The following FHIT variants were observed in gnomAD, a reference collection of about 807,000 sequenced individuals.
FHIT encodes bis(5'-adenosyl)-triphosphatase.
Under a neutral mutation model 17.9 loss-of-function variants are expected in FHIT, and 19 were observed. That is an observed-to-expected ratio of 1.06 (90% CI 0.74 to 1.56). The LOEUF (loss-of-function observed/expected upper bound fraction) is 1.56, where lower values mean the gene tolerates loss of function less well. FHIT is among the 40% of genes most tolerant of loss of function. The probability of loss-of-function intolerance (pLI) is 0.00; values close to 1 mark genes in which losing one functional copy is unlikely to be tolerated. For missense variants in FHIT, 248 were observed against 189.2 expected, an observed-to-expected ratio of 1.31 and a Z score of -1.82; for synonymous variants, 81 against 69.7, an observed-to-expected ratio of 1.16 and a Z score of -0.81.
chr3:59,929,721 C>G (rs1012225578), intron 7 of FHIT, among the ~76,000 whole-genome samples: 2 of 152,034 alleles, frequency 1.3e-5, no homozygotes, highest in Non-Finnish European at 2.9e-5. Flanking sequence ...TGCTGAATAT[C>G]AACATCAAAA....
intron 5 of FHIT, among the ~76,000 whole-genome samples, chr3:60,251,334 G>A (rs1705701356): frequency 1.3e-5 from 2 of 152,068 alleles, no homozygotes; most frequent in South Asian, 4.1e-4. Context: ...TAGGGAGTGA[G>A]GAACATTATG....
intron 5 of FHIT, among the ~76,000 whole-genome samples, chr3:60,223,775 C>A (rs1161725150): frequency 7.2e-5 from 11 of 152,164 alleles, no homozygotes. Flanking sequence ...TTGGATTTCA[C>A]CACCTACAAT....
intron 3 of FHIT, among the ~76,000 whole-genome samples, chr3:60,938,245 G>C (rs1290096578): frequency 6.6e-6 from 1 of 152,172 alleles, no homozygotes; most frequent in Non-Finnish European, 1.5e-5. Context: ...AATAGGAAAA[G>C]ACTTAAGCTT....
chr3:60,167,713 T>C (rs17062419), intron 5 of FHIT, among the ~76,000 whole-genome samples: 28,749 of 152,206 alleles, frequency 0.19, 3,475 homozygotes, highest in East Asian at 0.34. Flanking sequence ...GCTCAGAATC[T>C]AGCTTTAGAT....
At chr3:60,294,669 C>G (rs544602781) in intron 5 of FHIT, among the ~76,000 whole-genome samples, 1 of 152,132 alleles carries the variant, frequency 6.6e-6, no homozygotes, top group African/African-American at 2.4e-5. Context: ...CCCTTTCTGG[C>G]CACATTAATT....
chr3:59,862,884 T>G (rs17061269), intron 8 of FHIT, among the ~76,000 whole-genome samples: 2 of 151,880 alleles, frequency 1.3e-5, no homozygotes, highest in East Asian at 3.9e-4. Context: ...CATGAGTCAT[T>G]CTGATAACTG....
chr3:60,124,007 T>G (rs71313746), intron 5 of FHIT, among the ~76,000 whole-genome samples: 5,006 of 16,792 alleles, frequency 0.3, 608 homozygotes, highest in Non-Finnish European at 0.34. Context: ...TATATATATA[T>G]ATAGAGAGAG....
At position 60,174,169 on chromosome 3, in the gene FHIT, C is replaced by T. The variant is rs929048884; in HGVS notation, c.104-160017G>A. Among the ~76,000 whole-genome samples the T allele has an allele frequency of 2.8e-4, 43 of 151,364 alleles. 1 individual carries two copies. Among genetic ancestry groups the T allele is most frequent in the East Asian group, 7.8e-4 (4 of 5,098 alleles). ...TCCTGATCCGCCCGCCTCAGCCTCC[C>T]GAAGTGCTGGGATTACAGGCGTGAG... is the stretch of plus-strand genomic sequence containing the variant. On this transcript the variant is annotated intron_variant, in intron 5 of 9. Transcript: ENST00000492590.
chr3:60,412,578 G>C (rs770402393), intron 5 of FHIT, among the ~76,000 whole-genome samples: 1 of 151,998 alleles, frequency 6.6e-6, no homozygotes, highest in Non-Finnish European at 1.5e-5. Context: ...CCGAAGAAAA[G>C]CCAGGTACTC....
At chr3:59,974,835 G>C (rs1182412586) in intron 7 of FHIT, among the ~76,000 whole-genome samples, 1 of 151,966 alleles carries the variant, frequency 6.6e-6, no homozygotes, top group East Asian at 1.9e-4. Flanking sequence ...CTATAGTAGA[G>C]AGAAAAGTTC....
Position 60,134,652 on chromosome 3 carries a change from C to T in FHIT, c.104-120500G>A, listed in dbSNP as rs964401861. ...GGTTTTACTTCCACAATAATGGGCT[C>T]CTGTTCAGTCTCTCTTGCCAGCCAA... On this transcript the variant is annotated intron_variant, in intron 5 of 9. Transcript: ENST00000492590. 6.6e-5 allele frequency among the ~76,000 whole-genome samples: 10 copies of T among 152,258 alleles called. No individual in the cohort carries two copies. The East Asian group carries it at 1.5e-3, about 24-fold the overall frequency.
At position 60,380,236 on chromosome 3, in the gene FHIT, C is replaced by T. The variant is rs560134450; in HGVS notation, c.103+156624G>A. ...CTCCCCATGGTAATGAGTGGGTTCT[C>T]ACTGTTAGTTCACACAAGAGGCTGG... On this transcript the variant is annotated intron_variant, in intron 5 of 9. Transcript: ENST00000492590. Among the ~76,000 whole-genome samples the T allele has an allele frequency of 6.8e-4, 103 of 152,242 alleles. 1 individual carries two copies. Among genetic ancestry groups the T allele is most frequent in the Admixed American group, 5.1e-3 (78 of 15,290 alleles).
intron 7 of FHIT, among the ~76,000 whole-genome samples, chr3:59,925,467 G>A (rs1172845329): frequency 6.6e-6 from 1 of 152,122 alleles, no homozygotes; most frequent in Non-Finnish European, 1.5e-5. Flanking sequence ...CTCCTTGCGT[G>A]GTCCTCAGGA....
At chr3:60,980,325 A>C (rs1710439927) in intron 3 of FHIT, among the ~76,000 whole-genome samples, 1 of 152,220 alleles carries the variant, frequency 6.6e-6, no homozygotes, top group African/African-American at 2.4e-5. Context: ...AAAACACCAC[A>C]AAAAATGTAA....
intron 5 of FHIT, among the ~76,000 whole-genome samples, chr3:60,299,344 T>A (rs892222099): frequency 2.0e-5 from 3 of 152,128 alleles, no homozygotes; most frequent in African/African-American, 7.2e-5. Flanking sequence ...CTATGAAGGA[T>A]GTTGGTCTGC....
intron 5 of FHIT, among the ~76,000 whole-genome samples, chr3:60,081,834 T>C (rs1703298976): frequency 6.6e-6 from 1 of 152,078 alleles, no homozygotes; most frequent in African/African-American, 2.4e-5. Flanking sequence ...TCCTGTTTCT[T>C]TTTCAGTTAC....
chr3:60,730,169 C>A, intron 4 of FHIT: 1 of 420,714 alleles, frequency 2.4e-6, no homozygotes, highest in South Asian at 2.0e-5. Context: ...TTTGTGTTGT[C>A]ACTAATGGCT....
At chr3:60,708,990 A>T (rs544860146) in intron 4 of FHIT, among the ~76,000 whole-genome samples, 13 of 152,296 alleles carry the variant, frequency 8.5e-5, no homozygotes, top group East Asian at 7.7e-4. Flanking sequence ...ATTGCAAGGC[A>T]GAGCATTCTA....
chr3:60,217,772 C>T (rs574513802), intron 5 of FHIT, among the ~76,000 whole-genome samples: 4 of 152,290 alleles, frequency 2.6e-5, no homozygotes, highest in African/African-American at 7.2e-5. Flanking sequence ...TAGCACTTTT[C>T]TCTTTGCCTG....
Sources: gnomAD v4.1 joint callset for allele counts (sites outside exome capture counted in the v4.1 genomes callset) on GRCh38, gnomAD v4.1.1 for gene constraint, MANE v1.5 for transcripts, NCBI Gene and HGNC (gene_info 2026-07-23, HGNC 2026-07-21) for gene names.